RAP1A: variants seen among roughly 807,000 people sequenced by gnomAD.
The protein encoded by RAP1A is ras-related protein Rap-1A.
Under a neutral mutation model 26.4 loss-of-function variants are expected in RAP1A, and 6 were observed. The ratio of observed to expected loss-of-function variants is 0.23; its 90% CI spans 0.12 to 0.45. The LOEUF is 0.45. Among genes scored for constraint, RAP1A ranks in the 20% least tolerant of loss-of-function variants. The probability of loss-of-function intolerance (pLI) is 0.99; values close to 1 mark genes in which losing one functional copy is unlikely to be tolerated. For missense variants in RAP1A, 121 were observed against 217.2 expected (o/e 0.56, Z 2.78); for synonymous variants, 73 against 79.4 (o/e 0.92, Z 0.43).
chr1:111,703,318 A>G lies in RAP1A; in HGVS notation c.184-18A>G, dbSNP rs368180517. On this transcript the variant is annotated intron_variant, in intron 4 of 7. Transcript: ENST00000369709. ...AAGAAATTTATATATTTATAATTGC[A>G]TATTTTTTAAATCATAGGAGCAATT... 2 of 1,486,152 alleles carry G rather than the reference A, an allele frequency of 1.3e-6. No individual in the cohort carries two copies. The highest frequency in any genetic ancestry group is 1.8e-6 in the Non-Finnish European group (2 of 1,102,708). The allele number at this position is 1,486,152 out of a possible 1,614,324, so 92.1% of individuals were successfully genotyped here. A position where few individuals can be genotyped will look rare whatever the true frequency, so the allele number is the denominator to read the frequency against.
intron 1 of RAP1A, among the ~76,000 whole-genome samples, chr1:111,598,764 C>T (rs1023750398): frequency 1.3e-5 from 2 of 152,172 alleles, no homozygotes; most frequent in African/African-American, 4.8e-5. Context: ...ACCAGCTGGG[C>T]TCCCTCCAAT....
At chr1:111,560,145 G>T (rs1657670752) in intron 1 of RAP1A, among the ~76,000 whole-genome samples, 2 of 152,188 alleles carry the variant, frequency 1.3e-5, no homozygotes, top group Admixed American at 1.3e-4. Flanking sequence ...TGACAAAATT[G>T]TCTAGCATTC....
chr1:111,680,453 T>G (rs1360063795), intron 1 of RAP1A, among the ~76,000 whole-genome samples: 1 of 152,168 alleles, frequency 6.6e-6, no homozygotes, highest in African/African-American at 2.4e-5. Context: ...AGAGTGCTGA[T>G]TGGTGCATTT....
intron 1 of RAP1A, among the ~76,000 whole-genome samples, chr1:111,663,606 C>T (rs1412535880): frequency 6.6e-6 from 1 of 152,214 alleles, no homozygotes; most frequent in Non-Finnish European, 1.5e-5. Flanking sequence ...AGCCCTCCAT[C>T]TAAATGGTCT....
chr1:111,678,601 G>A (rs1430818096), intron 1 of RAP1A, among the ~76,000 whole-genome samples: 1 of 152,102 alleles, frequency 6.6e-6, no homozygotes, highest in African/African-American at 2.4e-5. Flanking sequence ...TCATATTACT[G>A]TACAGAATAC....
intron 1 of RAP1A, among the ~76,000 whole-genome samples, chr1:111,555,746 T>G (rs1657462601): frequency 6.6e-6 from 1 of 152,100 alleles, no homozygotes; most frequent in Non-Finnish European, 1.5e-5. Flanking sequence ...CCTTATACCA[T>G]ATACAAAAAA....
chr1:111,683,021 A>G (rs1165106638), intron 1 of RAP1A, among the ~76,000 whole-genome samples: 1 of 152,218 alleles, frequency 6.6e-6, no homozygotes, highest in East Asian at 1.9e-4. Context: ...AACTCACTCA[A>G]AACTGCACAA....
chr1:111,605,533 A>G (rs1416901968), intron 1 of RAP1A, among the ~76,000 whole-genome samples: 3 of 152,236 alleles, frequency 2.0e-5, no homozygotes, highest in African/African-American at 7.2e-5. Flanking sequence ...ATGGTATGGA[A>G]GAAGCAGCAG....
intron 1 of RAP1A, among the ~76,000 whole-genome samples, chr1:111,587,578 A>G (rs934535427): frequency 6.6e-6 from 1 of 152,068 alleles, no homozygotes; most frequent in Non-Finnish European, 1.5e-5. Context: ...AAATATAAAT[A>G]TTATCATCTC....
At chr1:111,617,669 C>T (rs189495837), upstream of RAP1A, among the ~76,000 whole-genome samples, 23 of 151,182 alleles carry the variant, frequency 1.5e-4, no homozygotes, top group Admixed American at 5.9e-4. Flanking sequence ...CTCCTGACCT[C>T]GTGATCCACC....
intron 1 of RAP1A, among the ~76,000 whole-genome samples, chr1:111,636,160 T>C (rs1474318988): frequency 6.6e-6 from 1 of 152,124 alleles, no homozygotes; most frequent in Non-Finnish European, 1.5e-5. Flanking sequence ...AACTAGAGAA[T>C]TGAATATAGC....
At chr1:111,639,005 G>A (rs766467255) in intron 1 of RAP1A, among the ~76,000 whole-genome samples, 7 of 152,114 alleles carry the variant, frequency 4.6e-5, no homozygotes, top group Non-Finnish European at 1.0e-4. Context: ...AAGCTATTGA[G>A]CTGTGAGCTT....
intron 1 of RAP1A, among the ~76,000 whole-genome samples, chr1:111,669,038 A>G (rs376592359): frequency 0.01 from 1,246 of 121,722 alleles, 18 homozygotes; most frequent in African/African-American, 0.035. Context: ...AAAAAAAAAA[A>G]AAAAAAAAAA....
At position 111,623,288 on chromosome 1, in the gene RAP1A, A is replaced by G. The variant is rs549393481; in HGVS notation, c.-28+3354A>G. On this transcript the variant is annotated intron_variant, in intron 1 of 7. Coordinates refer to ENST00000369709, the MANE Select transcript of RAP1A (RefSeq NM_002884.4). ...TGATCCAGCCACCTTGGCCTCCAAA[A>G]GTGTTGGGATTACAGGTGTGAGCTA... Among the ~76,000 whole-genome samples, 4 of 152,148 alleles carry G rather than the reference A, an allele frequency of 2.6e-5. No individual in the cohort carries two copies. The East Asian group carries it at 7.7e-4, about 29-fold the overall frequency.
In RAP1A at chr1:111,557,268, G is replaced by C. The variant is rs138847267; in HGVS notation, c.-28+14759G>C. 2.0e-4 allele frequency among the ~76,000 whole-genome samples: 31 copies of C among 152,248 alleles called. No individual in the cohort carries two copies. In the East Asian group the frequency reaches 5.6e-3, roughly 27 times the overall value. The stretch of plus-strand genomic sequence containing the variant: ...ATATATTTTAAAAATCTTACAGAAG[G>C]CCAGGCGTGGTGGCTCACGCCTGTA... On this transcript the variant is annotated intron_variant, in intron 1 of 7. Coordinates refer to the RAP1A transcript ENST00000356415.
intron 4 of RAP1A, among the ~76,000 whole-genome samples, chr1:111,699,463 C>CTGTT (rs1553227878): frequency 2.4e-5 from 3 of 124,182 alleles, no homozygotes; most frequent in African/African-American, 9.1e-5. Context: ...CTCACTTCCT[C>CTGTT]TTTTTTTTTT....
chr1:111,701,232 C>T (rs1281640469), intron 4 of RAP1A, among the ~76,000 whole-genome samples: 2 of 152,132 alleles, frequency 1.3e-5, no homozygotes, highest in Non-Finnish European at 2.9e-5. Context: ...ATCCAGCCTC[C>T]TTACAGCTTC....
At chr1:111,639,527 T>A (rs1419302189) in intron 1 of RAP1A, among the ~76,000 whole-genome samples, 1 of 152,086 alleles carries the variant, frequency 6.6e-6, no homozygotes, top group Non-Finnish European at 1.5e-5. Flanking sequence ...AAATGTTGAT[T>A]CTGATACTAT....
chr1:111,576,833 T>C (rs1176444895), intron 1 of RAP1A, among the ~76,000 whole-genome samples: 1 of 152,162 alleles, frequency 6.6e-6, no homozygotes, highest in East Asian at 1.9e-4. Context: ...AGCCAGAGCT[T>C]TAGGAAGCGG....
Sources: allele counts gnomAD v4.1 joint callset (sites outside exome capture counted in the v4.1 genomes callset), GRCh38; gene constraint gnomAD v4.1.1; transcripts MANE v1.5; gene names NCBI Gene and HGNC (gene_info 2026-07-23, HGNC 2026-07-21).